Variants in PHACTR1 observed in about 807,000 individuals in gnomAD.
PHACTR1 encodes the protein phosphatase and actin regulator 1.
Under a neutral mutation model 69.2 loss-of-function variants are expected in PHACTR1, and 16 were observed. The observed-to-expected ratio is 0.23, with a 90% CI of 0.16 to 0.35. The LOEUF (loss-of-function observed/expected upper bound fraction) is 0.35. Among genes scored for constraint, PHACTR1 ranks in the 10% least tolerant of loss-of-function variants. PHACTR1 has a pLI of 1.00. For missense variants in PHACTR1, 510 were observed against 734.7 expected, an observed-to-expected ratio of 0.69 and a Z score of 3.54; for synonymous variants, 312 against 284.5, an observed-to-expected ratio of 1.10 and a Z score of -0.97.
chr6:13,185,899 A>C (rs1762767625), intron 7 of PHACTR1, among the ~76,000 whole-genome samples: 1 of 152,250 alleles, frequency 6.6e-6, no homozygotes, highest in Non-Finnish European at 1.5e-5. Flanking sequence ...CTGAGGTTCA[A>C]GAAAAATAAG....
intron 7 of PHACTR1, among the ~76,000 whole-genome samples, chr6:13,197,087 C>T (rs1383573591): frequency 1.3e-5 from 2 of 152,196 alleles, no homozygotes; most frequent in Non-Finnish European, 2.9e-5. Context: ...AGCACGTTCA[C>T]GTGATCCTGT....
intron 4 of PHACTR1, among the ~76,000 whole-genome samples, chr6:12,922,390 G>A (rs765988013): frequency 5.3e-5 from 8 of 152,036 alleles, no homozygotes; most frequent in Non-Finnish European, 1.0e-4. Context: ...TGGCTTTAGA[G>A]AACTGCATGC....
At chr6:12,819,340 A>G (rs7776079) in intron 4 of PHACTR1, among the ~76,000 whole-genome samples, 74,964 of 152,084 alleles carry the variant, frequency 0.49, 20,416 homozygotes, top group African/African-American at 0.72. Context: ...GGAGTTACTC[A>G]GTTTGCTCTT....
intron 3 of PHACTR1, among the ~76,000 whole-genome samples, chr6:12,740,022 A>T (rs1480266032): frequency 1.3e-5 from 2 of 152,080 alleles, no homozygotes; most frequent in East Asian, 3.9e-4. Context: ...TCTCTCACCA[A>T]CCTTCTATTA....
intron 14 of PHACTR1, among the ~76,000 whole-genome samples, chr6:13,286,485 C>T (rs535570027): frequency 3.3e-5 from 5 of 152,348 alleles, no homozygotes; most frequent in African/African-American, 9.6e-5. Flanking sequence ...AGACTACCAA[C>T]GACCCCAAGG....
At chr6:13,104,529 T>G (rs929865209) in intron 5 of PHACTR1, among the ~76,000 whole-genome samples, 2 of 152,196 alleles carry the variant, frequency 1.3e-5, no homozygotes, top group African/African-American at 2.4e-5. Context: ...AAAAAGCCAC[T>G]AAATTTAGTT....
intron 4 of PHACTR1, among the ~76,000 whole-genome samples, chr6:12,844,398 C>T (rs1310706744): frequency 3.3e-5 from 5 of 151,914 alleles, no homozygotes; most frequent in African/African-American, 1.2e-4. Flanking sequence ...CCCTATCCCC[C>T]GCCCCCAAAA....
chr6:12,911,836 C>T (rs1002500584), intron 4 of PHACTR1, among the ~76,000 whole-genome samples: 2 of 152,186 alleles, frequency 1.3e-5, no homozygotes, highest in Non-Finnish European at 2.9e-5. Context: ...GCTAAGTCTT[C>T]TCCACCACCA....
At chr6:13,238,220 G>A (rs1285335523) in intron 10 of PHACTR1, among the ~76,000 whole-genome samples, 1 of 152,196 alleles carries the variant, frequency 6.6e-6, no homozygotes, top group Non-Finnish European at 1.5e-5. Flanking sequence ...TAGTGACGCT[G>A]ATAGCTTCAA....
chr6:12,892,589 A>G lies in PHACTR1; in HGVS notation c.250+142799A>G, dbSNP rs1582328209. Among the ~76,000 whole-genome samples, 4 of 152,352 alleles carry G rather than the reference A, an allele frequency of 2.6e-5. No homozygotes were observed. In the South Asian group the frequency reaches 8.3e-4, roughly 32 times the overall value. ...TCTAAATGTTTTGTTTTCTTTGACT[A>G]TAACTTGAGTTAATGGTCAAGCAGA... is the stretch of plus-strand genomic sequence containing the variant. On this transcript the variant is annotated intron_variant, in intron 4 of 14. Coordinates refer to ENST00000332995, the MANE Select transcript of PHACTR1 (RefSeq NM_030948.6).
At chr6:12,877,511 G>A (rs566316475) in intron 4 of PHACTR1, among the ~76,000 whole-genome samples, 2 of 152,232 alleles carry the variant, frequency 1.3e-5, no homozygotes, top group East Asian at 3.9e-4. Flanking sequence ...GTATACCGGA[G>A]CATCCAGCAT....
At chr6:12,819,393 A>C (rs993761071) in intron 4 of PHACTR1, among the ~76,000 whole-genome samples, 1 of 152,202 alleles carries the variant, frequency 6.6e-6, no homozygotes, top group Admixed American at 6.5e-5. Context: ...GAGCAGCTCA[A>C]ACAGGTGGTC....
At chr6:12,800,548 A>G (rs1221189227) in intron 4 of PHACTR1, among the ~76,000 whole-genome samples, 2 of 152,168 alleles carry the variant, frequency 1.3e-5, no homozygotes, top group African/African-American at 2.4e-5. Flanking sequence ...AGTCATAATG[A>G]AGAGAGTGAG....
At position 12,827,655 on chromosome 6, in the gene PHACTR1, C is replaced by T. The variant is rs73362103; in HGVS notation, c.250+77865C>T. Among the ~76,000 whole-genome samples, 549 of 152,188 alleles carry T rather than the reference C, an allele frequency of 3.6e-3. 2 individuals carry two copies. The highest frequency in any genetic ancestry group is 0.012 in the African/African-American group (504 of 41,514). On this transcript the variant is annotated intron_variant, in intron 4 of 14. Coordinates refer to ENST00000332995, the MANE Select transcript of PHACTR1 (RefSeq NM_030948.6). ...ATCCAATTTACTAGGATTGGCAGAA[C>T]CTGATGTTTATGACAGATATTCTTG... is the stretch of plus-strand genomic sequence containing the variant.
At chr6:13,125,148 G>A (rs1377382910) in intron 5 of PHACTR1, among the ~76,000 whole-genome samples, 1 of 152,210 alleles carries the variant, frequency 6.6e-6, no homozygotes. Context: ...AATTGACTAA[G>A]CAAACCAGAG....
At chr6:12,753,815 G>A (rs182775845) in intron 4 of PHACTR1, among the ~76,000 whole-genome samples, 55 of 152,054 alleles carry the variant, frequency 3.6e-4, no homozygotes, top group African/African-American at 1.2e-3. Flanking sequence ...TTATAAACTA[G>A]GTCCCAGGGT....
chr6:12,832,470 T>C (rs1777686723), intron 4 of PHACTR1, among the ~76,000 whole-genome samples: 1 of 152,028 alleles, frequency 6.6e-6, no homozygotes, highest in Admixed American at 6.6e-5. Context: ...CAAAATAATT[T>C]ATGGCCTAAC....
intron 10 of PHACTR1, chr6:13,267,698 C>G (rs1776959941): frequency 6.6e-6 from 1 of 152,192 alleles, no homozygotes; most frequent in African/African-American, 2.4e-5. Context: ...AAGAATGTGT[C>G]TGGCCCTTCA....
intron 6 of PHACTR1, among the ~76,000 whole-genome samples, chr6:13,163,976 C>T (rs948767307): frequency 6.6e-6 from 1 of 152,036 alleles, no homozygotes; most frequent in African/African-American, 2.4e-5. Flanking sequence ...CTTTTATGTG[C>T]CTCACCCTAG....
Sources: allele counts gnomAD v4.1 joint callset (sites outside exome capture counted in the v4.1 genomes callset), GRCh38; gene constraint gnomAD v4.1.1; transcripts MANE v1.5; gene names NCBI Gene and HGNC (gene_info 2026-07-23, HGNC 2026-07-21).